DIAPH2: variants seen among roughly 807,000 people sequenced by gnomAD.
DIAPH2 encodes the protein protein diaphanous homolog 2.
DIAPH2 carries 35 observed loss-of-function variants against 92.7 expected under a neutral mutation model. The observed-to-expected ratio is 0.38, with a 90% CI of 0.29 to 0.50. The LOEUF (loss-of-function observed/expected upper bound fraction) is 0.50. Ranked by LOEUF, DIAPH2 falls within the 20% of genes least tolerant of loss-of-function variation. The pLI, the probability that DIAPH2 is intolerant of heterozygous loss-of-function variation, is 0.94. For missense variants in DIAPH2, 701 were observed against 819.5 expected (o/e 0.86, Z 1.77); for synonymous variants, 301 against 280.4 (o/e 1.07, Z -0.73).
chrX:96,823,089 AATG>A (rs1396273077), intron 4 of DIAPH2, among the ~76,000 whole-genome samples: 1 of 111,795 alleles, frequency 8.9e-6, no homozygotes, highest in Non-Finnish European at 1.9e-5. Context: ...GATCTAAAAT[AATG>A]ATCTGATATG....
chrX:97,080,749 A>G (rs749010377), intron 19 of DIAPH2, among the ~76,000 whole-genome samples: 1 of 111,495 alleles, frequency 9.0e-6, no homozygotes, highest in Non-Finnish European at 1.9e-5. Context: ...ATGGGTATCT[A>G]TTGATTCTGC....
intron 4 of DIAPH2, among the ~76,000 whole-genome samples, chrX:96,779,363 A>G (rs1281222547): frequency 2.7e-5 from 3 of 112,265 alleles, no homozygotes; most frequent in African/African-American, 9.7e-5. Flanking sequence ...TTTTTACTTT[A>G]TGAGGTAACT....
chrX:97,486,563 T>C (rs2070690101), intron 26 of DIAPH2, among the ~76,000 whole-genome samples: 1 of 111,849 alleles, frequency 8.9e-6, no homozygotes, highest in Non-Finnish European at 1.9e-5. Flanking sequence ...GTGGCCATTC[T>C]AAGCATTGAC....
At chrX:97,279,296 A>T (rs1032632469) in intron 23 of DIAPH2, among the ~76,000 whole-genome samples, 110 of 105,407 alleles carry the variant, frequency 1.0e-3, no homozygotes, top group Non-Finnish European at 1.8e-3. Context: ...AGTCACTGAA[A>T]TTTTTTTTTG....
chrX:97,121,430 T>C (rs1316483992), intron 21 of DIAPH2, among the ~76,000 whole-genome samples: 2 of 111,825 alleles, frequency 1.8e-5, no homozygotes, highest in East Asian at 5.6e-4. Context: ...TCAGAACTCG[T>C]CAAATTTGGA....
At chrX:96,871,544 G>A (rs898123171) in intron 4 of DIAPH2, among the ~76,000 whole-genome samples, 1 of 107,225 alleles carries the variant, frequency 9.3e-6, no homozygotes, top group Non-Finnish European at 1.9e-5. Flanking sequence ...AGTAAATGCA[G>A]TGTAATTCCA....
intron 25 of DIAPH2, among the ~76,000 whole-genome samples, chrX:97,385,194 T>C (rs953165997): frequency 9.0e-6 from 1 of 111,515 alleles, no homozygotes; most frequent in Non-Finnish European, 1.9e-5. Context: ...TCTATAATAT[T>C]GACCACATGC....
intron 22 of DIAPH2, among the ~76,000 whole-genome samples, chrX:97,203,099 A>G (rs1365330864): frequency 8.9e-6 from 1 of 111,919 alleles, no homozygotes; most frequent in Non-Finnish European, 1.9e-5. Context: ...GAAGGCAGAA[A>G]TCAAGAAGTT....
At chrX:96,765,061 C>T (rs1006788584) in intron 4 of DIAPH2, among the ~76,000 whole-genome samples, 1 of 111,073 alleles carries the variant, frequency 9.0e-6, no homozygotes, top group Non-Finnish European at 1.9e-5. Flanking sequence ...CTCACCCACC[C>T]ATGCATATTC....
intron 4 of DIAPH2, among the ~76,000 whole-genome samples, chrX:96,812,901 T>C (rs1388982954): frequency 8.9e-6 from 1 of 111,978 alleles, no homozygotes; most frequent in Non-Finnish European, 1.9e-5. Flanking sequence ...TGTTGTGATT[T>C]CTGTTCTTTT....
chrX:97,244,977 T>C (rs941914861), intron 22 of DIAPH2, among the ~76,000 whole-genome samples: 2 of 110,409 alleles, frequency 1.8e-5, no homozygotes, highest in African/African-American at 3.3e-5. Flanking sequence ...TAGTCCCAGC[T>C]ACTTGGGATG....
At chrX:97,550,676 T>C (rs1339481711) in intron 26 of DIAPH2, among the ~76,000 whole-genome samples, 1 of 112,372 alleles carries the variant, frequency 8.9e-6, no homozygotes, top group African/African-American at 3.2e-5. Flanking sequence ...AAGATTCCTC[T>C]GCCCAAAAGA....
At chrX:97,019,861 A>G (rs746675575) in intron 17 of DIAPH2, among the ~76,000 whole-genome samples, 2 of 112,259 alleles carry the variant, frequency 1.8e-5, no homozygotes, top group South Asian at 3.7e-4. Flanking sequence ...TAAAAAAACT[A>G]AGGCTGTTAG....
chrX:97,023,206 G>A (rs1330554961), intron 17 of DIAPH2, among the ~76,000 whole-genome samples: 4 of 111,729 alleles, frequency 3.6e-5, no homozygotes, highest in Non-Finnish European at 5.6e-5. Flanking sequence ...TTTATTTTCA[G>A]ACTTTAATTA....
At chrX:97,201,494 AAC>A (rs2067749956) in intron 22 of DIAPH2, among the ~76,000 whole-genome samples, 1 of 107,945 alleles carries the variant, frequency 9.3e-6, no homozygotes, top group Admixed American at 1.0e-4. Flanking sequence ...GGAGCTGAAA[AAC>A]ACAGCACAAA....
chrX:97,280,398 G>A (rs1048021250), intron 23 of DIAPH2, among the ~76,000 whole-genome samples: 3 of 110,650 alleles, frequency 2.7e-5, no homozygotes, highest in Non-Finnish European at 5.7e-5. Context: ...GAACGAACCC[G>A]GGAAGTGGAG....
chrX:96,816,059 A>G (rs1032033331), intron 4 of DIAPH2, among the ~76,000 whole-genome samples: 4 of 112,290 alleles, frequency 3.6e-5, no homozygotes, highest in African/African-American at 1.3e-4. Context: ...TACTTGAGGT[A>G]TAAATGGACT....
chrX:97,438,867 A>G (rs927437070), intron 26 of DIAPH2, among the ~76,000 whole-genome samples: 5 of 111,935 alleles, frequency 4.5e-5, no homozygotes, highest in Admixed American at 1.9e-4. Flanking sequence ...AATTATGCCA[A>G]ATTTTACTTT....
At chrX:97,422,033 A>G (rs1455836595) in intron 25 of DIAPH2, among the ~76,000 whole-genome samples, 1 of 111,943 alleles carries the variant, frequency 8.9e-6, no homozygotes, top group Non-Finnish European at 1.9e-5. Context: ...CTAATATATG[A>G]TGATAGATAT....
Sources: gnomAD v4.1 joint callset for allele counts (sites outside exome capture counted in the v4.1 genomes callset) on GRCh38, gnomAD v4.1.1 for gene constraint, MANE v1.5 for transcripts, NCBI Gene and HGNC (gene_info 2026-07-23, HGNC 2026-07-21) for gene names.